Variants in ARSK observed in about 807,000 individuals in gnomAD.
ARSK encodes arylsulfatase family member K, also known as arylsulfatase K.
In ARSK, 37 loss-of-function variants were observed where a neutral mutation model predicts 53.2. The ratio of observed to expected loss-of-function variants is 0.70; its 90% CI spans 0.54 to 0.92. ARSK has a LOEUF of 0.92. Ranked by LOEUF, ARSK falls within the 40% of genes least tolerant of loss-of-function variation. The probability of loss-of-function intolerance (pLI) is 0.00; values close to 1 mark genes in which losing one functional copy is unlikely to be tolerated. For synonymous variants in ARSK, 208 were observed against 223.2 expected, an observed-to-expected ratio of 0.93 and a Z score of 0.61; for missense variants, 613 against 643.0, an observed-to-expected ratio of 0.95 and a Z score of 0.51.
At position 95,568,044 on chromosome 5, in the gene ARSK, C is replaced by T. The variant is rs765743992; in HGVS notation, c.411C>T (p.Ser137=). 3 of 1,612,686 alleles carry T rather than the reference C, an allele frequency of 1.9e-6. No individual in the cohort carries two copies. In the African/African-American group the frequency reaches 4.0e-5, roughly 22 times the overall value. The part of the protein sequence containing the change: ...GKLDYTSGHH[S]ISNRVEAWTR... ...TGGACTATACTTCAGGACATCACTC[C>T]ATTAGGTAAAAATAAAACAAAAATA... Residue 137 remains serine, a synonymous_variant, in exon 3 of 8, where the codon TCC becomes TCT. Transcript: ENST00000380009.
chr5:95,595,125 A>G (rs1321455247), intron 6 of ARSK, among the ~76,000 whole-genome samples: 3 of 152,232 alleles, frequency 2.0e-5, no homozygotes, highest in Admixed American at 1.3e-4. Context: ...CATCAAAACC[A>G]CAATGAGATA....
chr5:95,565,002 T>G (rs1340440283), intron 1 of ARSK, among the ~76,000 whole-genome samples: 1 of 152,202 alleles, frequency 6.6e-6, no homozygotes, highest in East Asian at 1.9e-4. Flanking sequence ...ACTTTATATC[T>G]CTATTTGGGA....
At chr5:95,594,337 C>T (rs1275160848) in intron 6 of ARSK, among the ~76,000 whole-genome samples, 1 of 152,030 alleles carries the variant, frequency 6.6e-6, no homozygotes, top group Admixed American at 6.5e-5. Context: ...ATTCATAGAG[C>T]TCTTATAAAT....
intron 7 of ARSK, 142 bp downstream of exon 7, chr5:95,601,213 C>T: frequency 2.4e-6 from 2 of 825,292 alleles, no homozygotes; most frequent in East Asian, 5.4e-5. Context: ...CAAAAGGTTG[C>T]CCATGTGAGG....
chr5:95,564,236 C>A (rs547076735), intron 1 of ARSK, among the ~76,000 whole-genome samples: 2 of 152,118 alleles, frequency 1.3e-5, no homozygotes, highest in Non-Finnish European at 2.9e-5. Context: ...CCTCAGCCTC[C>A]CAAAGAGCTG....
intron 3 of ARSK, chr5:95,580,812 C>T: frequency 1.4e-6 from 1 of 694,404 alleles, no homozygotes; most frequent in Non-Finnish European, 2.2e-6. Flanking sequence ...GTAGTATATT[C>T]ATCTACTGAA....
Position 95,555,377 on chromosome 5 carries a change from T to A in ARSK, c.99T>A (p.Asn33Lys). 1 of 1,609,416 alleles carries A rather than the reference T, an allele frequency of 6.2e-7. No individual in the cohort carries two copies. The highest frequency in any genetic ancestry group is 8.5e-7 in the Non-Finnish European group (1 of 1,178,412). The change falls in exon 1 of 8, where the codon AAT becomes AAA. Residue 33 changes from asparagine (N) to lysine (K), a missense_variant. Coordinates refer to ENST00000380009, the MANE Select transcript of ARSK (RefSeq NM_198150.3). This position sits in a 1 kb window ranked among gnomAD's most constrained non-coding sequence, Gnocchi z 4.0. ...EQRRRAAKAP[N>K]VVLVVSDSFD... is the part of the protein sequence containing the mutation. Reference sequence around the variant, plus strand: ...GGCGGAGAGCAGCCAAAGCGCCCAATGTGGTGCTGGTCGTGAGCGACTCCT... The same window carrying A: ...GGCGGAGAGCAGCCAAAGCGCCCAAAGTGGTGCTGGTCGTGAGCGACTCCT...
intron 5 of ARSK, among the ~76,000 whole-genome samples, chr5:95,589,920 C>A (rs1291523467): frequency 6.6e-6 from 1 of 152,196 alleles, no homozygotes; most frequent in Non-Finnish European, 1.5e-5. Flanking sequence ...TCCTATTTCT[C>A]CACAACCTCT....
At chr5:95,559,763 A>G (rs916461623) in intron 1 of ARSK, among the ~76,000 whole-genome samples, 1 of 152,200 alleles carries the variant, frequency 6.6e-6, no homozygotes, top group Non-Finnish European at 1.5e-5. Context: ...AGAAAAAAAA[A>G]ATCAGTTTTC....
At chr5:95,569,075 T>C (rs1269172372) in intron 3 of ARSK, among the ~76,000 whole-genome samples, 1 of 152,166 alleles carries the variant, frequency 6.6e-6, no homozygotes, top group Non-Finnish European at 1.5e-5. Context: ...TATCCTTTTA[T>C]GTAATAAATT....
rs149960886 is a variant in ARSK, at chr5:95,582,921, G to T, written c.422G>T (p.Arg141Leu). ...GTGTCTTTTTGCCCCCTCAGTAATCGTGTGGAAGCGTGGACAAGAGATGTT... is the reference window on the plus strand; with the variant it reads ...GTGTCTTTTTGCCCCCTCAGTAATCTTGTGGAAGCGTGGACAAGAGATGTT... Reference protein sequence around the residue: ...YTSGHHSISNRVEAWTRDVAF... With the variant: ...YTSGHHSISNLVEAWTRDVAF... The change falls in exon 4 of 8, where the codon CGT (arginine) becomes CTT (leucine). Residue 141 changes from arginine to leucine, a missense_variant. Arg to Leu is a moderately radical substitution (Grantham distance 102). Transcript: ENST00000380009. 7 of 1,602,604 alleles carry T rather than the reference G, an allele frequency of 4.4e-6. No homozygotes were observed. In the Admixed American group the frequency reaches 5.0e-5, roughly 12 times the overall value.
chr5:95,580,873 T>G (rs1580223635), intron 3 of ARSK: 1 of 1,276,534 alleles, frequency 7.8e-7, no homozygotes, highest in East Asian at 5.6e-5. Flanking sequence ...AAGAAATAAA[T>G]TGTTATTTTA....
intron 3 of ARSK, among the ~76,000 whole-genome samples, chr5:95,574,156 T>C (rs57901676): frequency 0.015 from 2,334 of 152,280 alleles, 56 homozygotes; most frequent in African/African-American, 0.052. Flanking sequence ...GTTCCATCCA[T>C]GTTGTTGCAA....
At position 95,591,523 on chromosome 5, in the gene ARSK, G is replaced by T. The variant is rs1749216199; in HGVS notation, c.994G>T (p.Ala332Ser). The T allele has an allele frequency of 5.0e-6, 8 of 1,614,032 alleles. No homozygotes were observed. Among genetic ancestry groups the T allele is most frequent in the Non-Finnish European group, 6.8e-6 (8 of 1,180,024 alleles). ...GTTTTATAAAATGAGCATGTACGAG[G>T]CTAGTGCACATGTTCCGCTTTTGAT... ...RQFYKMSMYE[A>S]SAHVPLLMMG... The change falls in exon 6 of 8, where the codon GCT becomes TCT. Residue 332 changes from alanine (A) to serine (S), a missense_variant. Coordinates refer to ENST00000380009, the MANE Select transcript of ARSK (RefSeq NM_198150.3).
At chr5:95,557,038 A>T (rs1483761099) in intron 1 of ARSK, 1 of 151,702 alleles carries the variant, frequency 6.6e-6, no homozygotes, top group African/African-American at 2.4e-5. Context: ...AAAATAAAAA[A>T]ATTTTTAAAA....
intron 3 of ARSK, among the ~76,000 whole-genome samples, chr5:95,569,430 G>C (rs140057461): frequency 7.1e-4 from 108 of 152,232 alleles, no homozygotes; most frequent in African/African-American, 2.5e-3. Context: ...ATTTGCAGAT[G>C]TAATTAGTAA....
chr5:95,590,507 G>A (rs1280209527), intron 5 of ARSK, among the ~76,000 whole-genome samples: 3 of 152,102 alleles, frequency 2.0e-5, no homozygotes, highest in African/African-American at 7.2e-5. Flanking sequence ...TACAAGCAGG[G>A]GAAAGAGGAG....
At chr5:95,574,164 C>T (rs951669101) in intron 3 of ARSK, among the ~76,000 whole-genome samples, 1 of 152,138 alleles carries the variant, frequency 6.6e-6, no homozygotes, top group Admixed American at 6.5e-5. Context: ...CATGTTGTTG[C>T]AAATTACTGG....
At position 95,568,127 on chromosome 5, in the gene ARSK, T is replaced by A. The variant is rs561674596; in HGVS notation, c.416+78T>A. The A allele has an allele frequency of 3.5e-5, 49 of 1,405,986 alleles. No homozygotes were observed. The African/African-American group carries it at 6.8e-4, about 19-fold the overall frequency. The allele number at this position is 1,405,986 out of a possible 1,614,324, so 87.1% of individuals were successfully genotyped here. ...ACATGTACTCTTTTTGACTTTAATT[T>A]TTTTATTTTTCCACAAAGGTGAAAG... is the stretch of plus-strand genomic sequence containing the variant. On this transcript the variant is annotated intron_variant, in intron 3 of 7. Coordinates refer to ENST00000380009, the MANE Select transcript of ARSK (RefSeq NM_198150.3).
Sources: allele counts gnomAD v4.1 joint callset (sites outside exome capture counted in the v4.1 genomes callset), GRCh38; gene constraint gnomAD v4.1.1; non-coding constraint Gnocchi (gnomAD v3.1); transcripts MANE v1.5; gene names NCBI Gene and HGNC (gene_info 2026-07-23, HGNC 2026-07-21).